The following ASPM variants were observed in gnomAD, a reference collection of about 807,000 sequenced individuals.
The protein encoded by ASPM is abnormal spindle-like microcephaly-associated protein.
ASPM carries 256 observed loss-of-function variants against 366.4 expected under a neutral mutation model. The observed-to-expected ratio is 0.70, with a 90% CI of 0.63 to 0.77. ASPM has a LOEUF of 0.77. ASPM is among the 30% of genes least tolerant of loss of function. The pLI is 0.00. For missense variants in ASPM, 4,146 were observed against 4,090.4 expected (o/e 1.01, Z -0.37); for synonymous variants, 1,414 against 1,342.9 (o/e 1.05, Z -1.16).
intron 17 of ASPM, among the ~76,000 whole-genome samples, chr1:197,112,146 G>A (rs1022695240): frequency 4.6e-5 from 7 of 152,104 alleles, no homozygotes; most frequent in African/African-American, 1.4e-4. Flanking sequence ...AAGAAAATGC[G>A]GTACATATAT....
At chr1:197,116,077 A>G (rs1384736426) in intron 17 of ASPM, among the ~76,000 whole-genome samples, 3 of 152,176 alleles carry the variant, frequency 2.0e-5, no homozygotes, top group Non-Finnish European at 4.4e-5. Context: ...AGCCACTTTT[A>G]TTAATGATCT....
chr1:197,143,132 C>G lies in ASPM; in HGVS notation c.1120G>C (p.Asp374His), dbSNP rs1033657416. 1.2e-6 allele frequency: 2 copies of G among 1,612,624 alleles called. No individual in the cohort carries two copies. The highest frequency in any genetic ancestry group is 1.7e-5 in the Admixed American group (1 of 59,954). Residue 374 changes from aspartate to histidine, a missense_variant, in exon 3 of 28, where the codon GAT becomes CAT. Coordinates refer to ENST00000367409, the MANE Select transcript of ASPM (RefSeq NM_018136.5). ...KILSPDSFIK[D>H]NYGLNQDLES... ...AGATCCTGATTTAGTCCATAATTAT[C>G]TTTTATGAAAGAATCTGGACTTAAA...
Position 197,132,587 on chromosome 1 carries a change from G to T in ASPM, c.2420-235C>A, listed in dbSNP as rs187925582. Among the ~76,000 whole-genome samples, 30 of 151,936 alleles carry T rather than the reference G, an allele frequency of 2.0e-4. No homozygotes were observed. The East Asian group carries it at 3.7e-3, about 19-fold the overall frequency. On this transcript the variant is annotated intron_variant, in intron 6 of 27. Coordinates refer to ENST00000367409, the MANE Select transcript of ASPM (RefSeq NM_018136.5). ...AGTTTTGAAATACAAAATCTCTTGG[G>T]GACATCAGTATCTGGAAGAGATACC... is the stretch of plus-strand genomic sequence containing the variant.
rs1463869273 is a variant in ASPM at position 197,125,082 on chromosome 1, G to A, written c.3046C>T (p.Leu1016Phe). The change falls in exon 11 of 28, where the codon CTT becomes TTT. Residue 1016 changes from leucine to phenylalanine, a missense_variant. Around this residue, in one of 3 missense-constraint regions of ASPM, gnomAD observed 3,624 missense variants for 3,591.7 expected, o/e 1.01. Transcript: ENST00000367409. ...CTTAATTCAATTCCTCGTGATTTAA[G>A]AACTTGAAGAACAATGTCAACATTG... ...MHNVDIVLQV[L>F]KSRGIELSDE... The A allele has an allele frequency of 6.2e-7, 1 of 1,613,984 alleles. No individual in the cohort carries two copies. The highest frequency in any genetic ancestry group is 1.7e-5 in the Admixed American group (1 of 60,010).
At chr1:197,127,110 T>C (rs1330726801) in intron 10 of ASPM, among the ~76,000 whole-genome samples, 1 of 152,228 alleles carries the variant, frequency 6.6e-6, no homozygotes, top group African/African-American at 2.4e-5. Context: ...CTCTAAATAT[T>C]CACAGTTCTT....
intron 17 of ASPM, among the ~76,000 whole-genome samples, chr1:197,113,136 T>C (rs1026070661): frequency 6.6e-6 from 1 of 152,114 alleles, no homozygotes; most frequent in African/African-American, 2.4e-5. Flanking sequence ...TATTACATAT[T>C]CTCACTTATA....
chr1:197,122,402 T>C lies in ASPM; in HGVS notation c.3584A>G (p.Lys1195Arg). ...SDDSSLDMSL[K>R]AFDHENTSEL... ...AAGGGACTAACCATGATCAAATGCT[T>C]TAAGAGACATATCCAGAGAACTGTC... Residue 1195 changes from lysine (K) to arginine (R), a missense_variant, in exon 14 of 28, where the codon AAA (lysine) becomes AGA (arginine). Transcript: ENST00000367409. 6.2e-7 allele frequency: 1 copy of C among 1,613,774 alleles called. No individual in the cohort carries two copies. Among genetic ancestry groups the C allele is most frequent in the Non-Finnish European group, 8.5e-7 (1 of 1,179,774 alleles).
At position 197,101,652 on chromosome 1, in the gene ASPM, AG is replaced by A. The variant is rs1657188906; in HGVS notation, c.7598del (p.Ser2533LeufsTer12). On this transcript the variant is annotated frameshift_variant, in exon 18 of 28. Transcript: ENST00000367409. LOFTEE classifies it high-confidence loss of function. ...TATATGCAGCCTGAATAACCACAGC[AG>A]AATGCCATTGTCTGATATAATTTTC... is the stretch of plus-strand genomic sequence containing the variant. ...QRENYIRQWH[S>X]AVVIQAAYKG... 1 of 1,611,934 alleles carries A rather than the reference AG, an allele frequency of 6.2e-7. No homozygotes were observed. The highest frequency in any genetic ancestry group is 1.3e-5 in the African/African-American group (1 of 74,802).
chr1:197,101,959 T>C lies in ASPM; in HGVS notation c.7292A>G (p.Lys2431Arg). ...CCTCTGAACAAAAATAGTAGCTTTT[T>C]TGAGGGAAATGAATCTTCTCCTCAC... ...LLVRRRFISL[K>R]KATIFVQRKY... The change falls in exon 18 of 28, where the codon AAA (lysine) becomes AGA (arginine). Residue 2431 changes from lysine (K) to arginine (R), a missense_variant. This residue lies in a region of ASPM where 3,624 missense variants were observed against 3,591.7 expected (regional missense o/e 1.01). Transcript: ENST00000367409. 6.2e-7 allele frequency: 1 copy of C among 1,612,826 alleles called. No homozygotes were observed. The highest frequency in any genetic ancestry group is 8.5e-7 in the Non-Finnish European group (1 of 1,179,318).
intron 17 of ASPM, among the ~76,000 whole-genome samples, chr1:197,106,766 A>G (rs1657424742): frequency 6.6e-6 from 1 of 152,108 alleles, no homozygotes; most frequent in Non-Finnish European, 1.5e-5. Context: ...ACAAAAATAC[A>G]TTAAGTTGGC....
rs1401129326 is a variant in ASPM at position 197,142,456 on chromosome 1, A to T, written c.1796T>A (p.Ile599Asn). Residue 599 changes from isoleucine to asparagine, a missense_variant, in exon 3 of 28, where the codon ATC becomes AAC. Physicochemically the swap from Ile to Asn is moderately radical, Grantham distance 149 (BLOSUM62 -3). This residue lies in a region of ASPM where 3,624 missense variants were observed against 3,591.7 expected (regional missense o/e 1.01). Transcript: ENST00000367409. ...AITEHTEVRE[I>N]KRIHFSPSEP... is the part of the protein sequence containing the mutation. ...TGAGGGAGAAAAATGGATTCTTTTG[A>T]TTTCTCGCACTTCTGTATGTTCTGT... The T allele has an allele frequency of 6.2e-7, 1 of 1,613,768 alleles. No homozygotes were observed.
In ASPM at chr1:197,104,914, G is replaced by T. The variant is rs760536124; in HGVS notation, c.4337C>A (p.Thr1446Lys). 6.2e-7 allele frequency: 1 copy of T among 1,611,856 alleles called. No homozygotes were observed. The highest frequency in any genetic ancestry group is 8.5e-7 in the Non-Finnish European group (1 of 1,179,100). The change falls in exon 18 of 28, where the codon ACA becomes AAA. Residue 1446 changes from threonine (T) to lysine (K), a missense_variant. Physicochemically the swap from Thr to Lys is moderately conservative, Grantham distance 78. This residue lies in a region of ASPM where 3,624 missense variants were observed against 3,591.7 expected (regional missense o/e 1.01). Coordinates refer to ENST00000367409, the MANE Select transcript of ASPM (RefSeq NM_018136.5). The stretch of plus-strand genomic sequence containing the variant: ...TCTAAAAGCTCTTTGCAATATTACT[G>T]TAGCTTTTACTTGTGATTGCATTTT... ...QRKMQSQVKA[T>K]VILQRAFREW...
At chr1:197,105,755 A>G (rs895143710) in intron 17 of ASPM, among the ~76,000 whole-genome samples, 4 of 152,038 alleles carry the variant, frequency 2.6e-5, no homozygotes, top group Non-Finnish European at 5.9e-5. Flanking sequence ...GGAACTATAA[A>G]TACATGGCTT....
Position 197,094,137 on chromosome 1 carries a change from A to C in ASPM, c.9031T>G (p.Trp3011Gly). 6.2e-7 allele frequency: 1 copy of C among 1,607,868 alleles called. No homozygotes were observed. Among genetic ancestry groups the C allele is most frequent in the Non-Finnish European group, 8.5e-7 (1 of 1,176,242 alleles). The change falls in exon 20 of 28, where the codon TGG becomes GGG. Residue 3011 changes from tryptophan to glycine, a missense_variant. Physicochemically the swap from Trp to Gly is radical, Grantham distance 184 (BLOSUM62 -2). Transcript: ENST00000367409. ...RASAIIIQRK[W>G]RAILPAKIAH... ...ATCTTTGCAGGAAGTATAGCTCTCCATTTTCTCTGAATGATAATTGCTGAT... is the reference window on the plus strand; with the variant it reads ...ATCTTTGCAGGAAGTATAGCTCTCCCTTTTCTCTGAATGATAATTGCTGAT...
At chr1:197,105,792 G>A (rs926536365) in intron 17 of ASPM, among the ~76,000 whole-genome samples, 4 of 151,966 alleles carry the variant, frequency 2.6e-5, no homozygotes, top group African/African-American at 9.7e-5. Context: ...AAAGACTTGA[G>A]AAATGACAAA....
intron 17 of ASPM, among the ~76,000 whole-genome samples, chr1:197,114,960 A>C (rs144671035): frequency 6.6e-6 from 1 of 151,776 alleles, no homozygotes; most frequent in Non-Finnish European, 1.5e-5. Context: ...CGTTGGCCAG[A>C]CTGGTCTCAA....
chr1:197,138,953 G>C (rs1658499535), intron 4 of ASPM: 1 of 740,752 alleles, frequency 1.3e-6, no homozygotes, highest in Non-Finnish European at 2.5e-6. Context: ...CTTTCTCCTT[G>C]ACTCGCTGCA....
chr1:197,142,679 C>G lies in ASPM; in HGVS notation c.1573G>C (p.Val525Leu), dbSNP rs530566050. 9 of 1,613,778 alleles carry G rather than the reference C, an allele frequency of 5.6e-6. No individual in the cohort carries two copies. In the African/African-American group the frequency reaches 1.1e-4, roughly 19 times the overall value. The change falls in exon 3 of 28, where the codon GTG (valine) becomes CTG (leucine). Residue 525 changes from valine (V) to leucine (L), a missense_variant. Physicochemically the swap from Val to Leu is conservative, Grantham distance 32 (BLOSUM62 1). This residue lies in a region of ASPM where 3,624 missense variants were observed against 3,591.7 expected (regional missense o/e 1.01). Transcript: ENST00000367409. ...PKAKRCLNSA[V>L]GEHEKVINNQ... The stretch of plus-strand genomic sequence containing the variant: ...TTTATTACTTTTTCATGTTCACCCA[C>G]TGCACTGTTGAGACATCTTTTTGCT...
Position 197,122,159 on chromosome 1 carries a change from C to T in ASPM, c.3741G>A (p.Lys1247=). 2 of 1,608,906 alleles carry T rather than the reference C, an allele frequency of 1.2e-6. No individual in the cohort carries two copies. Among genetic ancestry groups the T allele is most frequent in the Non-Finnish European group, 1.7e-6 (2 of 1,175,826 alleles). The change falls in exon 15 of 28, where the codon AAG becomes AAA. Residue 1247 remains lysine, a splice_region_variant and synonymous_variant. Coordinates refer to ENST00000367409, the MANE Select transcript of ASPM (RefSeq NM_018136.5). ...SDMSNTIPDE[K]VVITYLSFLC... Reference sequence around the variant, plus strand: ...AATTAGAAACTCTTCTTTTACTTACCTTTTCATCTGGAATTGTATTTGACA... The same window carrying T: ...AATTAGAAACTCTTCTTTTACTTACTTTTTCATCTGGAATTGTATTTGACA...
Sources: allele counts gnomAD v4.1 joint callset (sites outside exome capture counted in the v4.1 genomes callset), GRCh38; gene constraint gnomAD v4.1.1; regional missense constraint gnomAD v4.1.1; transcripts MANE v1.5; gene names NCBI Gene and HGNC (gene_info 2026-07-23, HGNC 2026-07-21).